Variants in DNAH10 observed in about 807,000 individuals in gnomAD.
The protein encoded by DNAH10 is dynein axonemal heavy chain 10.
In DNAH10, 348 loss-of-function variants were observed where a neutral mutation model predicts 506.6. That is an observed-to-expected ratio of 0.69 (90% CI 0.63 to 0.75). DNAH10 has a LOEUF of 0.75. Ranked by LOEUF, DNAH10 falls within the 30% of genes least tolerant of loss-of-function variation. DNAH10 has a pLI of 0.00. For missense variants in DNAH10, 5,179 were observed against 5,787.1 expected, an observed-to-expected ratio of 0.89 and a Z score of 3.41; for synonymous variants, 2,059 against 2,198.6, an observed-to-expected ratio of 0.94 and a Z score of 1.78.
chr12:123,926,575 A>G lies in DNAH10; in HGVS notation c.11922-62A>G, dbSNP rs1954952927. ...GGAGGAGGCAGCGCTGATCAGACAG[A>G]CCAGCCCCTGGTCTGGAGCTGTCCT... On this transcript the variant is annotated intron_variant, in intron 68 of 78. Transcript: ENST00000673944. The surrounding 1 kb of genome is among the most constrained non-coding windows in gnomAD (Gnocchi z 4.1). 6.4e-7 allele frequency: 1 copy of G among 1,557,872 alleles called. No individual in the cohort carries two copies. Among genetic ancestry groups the G allele is most frequent in the Non-Finnish European group, 8.7e-7 (1 of 1,146,900 alleles).
At chr12:123,898,913 G>A in intron 56 of DNAH10, 99 bp downstream of exon 56, 2 of 1,437,532 alleles carry the variant, frequency 1.4e-6, no homozygotes, top group Non-Finnish European at 1.8e-6. Context: ...GAGCAGGACA[G>A]GGCTCTGCCA....
chr12:123,869,736 C>A (rs1344970269), intron 43 of DNAH10, among the ~76,000 whole-genome samples: 3 of 152,216 alleles, frequency 2.0e-5, no homozygotes, highest in Non-Finnish European at 1.5e-5. Flanking sequence ...CTCGCTCCAT[C>A]TGAGTTTATC....
rs755643863 is a variant in DNAH10 at position 123,772,847 on chromosome 12, A to T, written c.410A>T (p.His137Leu). The change falls in exon 4 of 79, where the codon CAC (histidine) becomes CTC (leucine). Residue 137 changes from histidine to leucine, a missense_variant. Coordinates refer to ENST00000673944, the MANE Select transcript of DNAH10 (RefSeq NM_001372106.1). ...EKLPSKRTAK[H>L]IMEKMHLHML... ...CCCATGTTTCAGAGAACTGCGAAGC[A>T]CATCATGGAAAAGATGCATCTCCAC... 11 of 1,605,844 alleles carry T rather than the reference A, an allele frequency of 6.8e-6. No homozygotes were observed. The Admixed American group carries it at 1.9e-4, about 28-fold the overall frequency.
rs141305983 is a variant in DNAH10, at chr12:123,888,878, C to T, written c.8995+1565C>T. Among the ~76,000 whole-genome samples the T allele has an allele frequency of 3.7e-3, 558 of 152,334 alleles. 1 individual carries two copies. The highest frequency in any genetic ancestry group is 6.0e-3 in the Non-Finnish European group (409 of 68,030). On this transcript the variant is annotated intron_variant, in intron 52 of 78. Transcript: ENST00000673944. ...GGGGCCCTGCAAAGATCCGTGCTGA[C>T]TTCGTCTGGCCTAATGGCTTACAGG...
At position 123,833,321 on chromosome 12, in the gene DNAH10, C is replaced by G; in HGVS notation, c.4753C>G (p.Leu1585Val). ...LQTVHKWEKTLSLIGEVIEIW... is the reference protein window; with the variant it reads ...LQTVHKWEKTVSLIGEVIEIW... ...AACTGTTCACAAATGGGAAAAAACG[C>G]TTTCTCTAATAGGGGAAGTCATTGA... The change falls in exon 27 of 79, where the codon CTT (leucine) becomes GTT (valine). Residue 1585 changes from leucine (L) to valine (V), a missense_variant. Physicochemically the swap from Leu to Val is conservative, Grantham distance 32. Coordinates refer to ENST00000673944, the MANE Select transcript of DNAH10 (RefSeq NM_001372106.1). 1 of 1,612,804 alleles carries G rather than the reference C, an allele frequency of 6.2e-7. No individual in the cohort carries two copies. Among genetic ancestry groups the G allele is most frequent in the South Asian group, 1.1e-5 (1 of 90,638 alleles).
chr12:123,921,703 T>TG, intron 65 of DNAH10, among the ~76,000 whole-genome samples: 2 of 27,888 alleles, frequency 7.2e-5, no homozygotes, highest in South Asian at 2.4e-3. Flanking sequence ...TTTTTTTTTT[T>TG]TTTTTTTTTT....
chr12:123,930,315 C>G (rs906116915), intron 72 of DNAH10, 87 bp from the exon 73 acceptor site: 4 of 1,328,182 alleles, frequency 3.0e-6, no homozygotes, highest in Non-Finnish European at 4.0e-6. Context: ...AGTCTCTTGA[C>G]CCTGGGTGAG....
At chr12:123,908,178 T>C (rs111965535) in intron 57 of DNAH10, 15,399 of 248,928 alleles carry the variant, frequency 0.062, 1,439 homozygotes, top group African/African-American at 0.24. Context: ...TCCCTGTCTC[T>C]CTGTCTCCTC....
At chr12:123,893,735 GC>G (rs745470915) in intron 53 of DNAH10, among the ~76,000 whole-genome samples, 1 of 152,210 alleles carries the variant, frequency 6.6e-6, no homozygotes, top group Non-Finnish European at 1.5e-5. Context: ...CCTCATGCCA[GC>G]CTTTAGAGCA....
chr12:123,783,213 G>T lies in DNAH10; in HGVS notation c.948G>T (p.Trp316Cys), dbSNP rs1957729153. 6.2e-7 allele frequency: 1 copy of T among 1,614,084 alleles called. No homozygotes were observed. Among genetic ancestry groups the T allele is most frequent in the Admixed American group, 1.7e-5 (1 of 60,000 alleles). Residue 316 changes from tryptophan (W) to cysteine (C), a missense_variant, in exon 7 of 79, where the codon TGG becomes TGT. Trp to Cys is a radical substitution (Grantham distance 215, BLOSUM62 -2). Around this residue, in one of 3 missense-constraint regions of DNAH10, gnomAD observed 4,844 missense variants for 5,430.5 expected, o/e 0.89. Transcript: ENST00000673944. ...VDILEQCVIN[W>C]LNQISTAVEA... ...TCTTGGAGCAGTGTGTGATAAACTG[G>T]CTGAATCAGATATCCACAGCGGTTG...
At chr12:123,821,932 C>A (rs2136424371) in intron 24 of DNAH10, among the ~76,000 whole-genome samples, 1 of 151,454 alleles carries the variant, frequency 6.6e-6, no homozygotes, top group African/African-American at 2.4e-5. Context: ...AAGTTCCGGG[C>A]ACAGTGGCTC....
chr12:123,898,660 C>T lies in DNAH10; in HGVS notation c.9486C>T (p.Cys3162=), dbSNP rs1381189413. The T allele has an allele frequency of 3.8e-6, 6 of 1,579,074 alleles. No homozygotes were observed. The highest frequency in any genetic ancestry group is 5.2e-6 in the Non-Finnish European group (6 of 1,162,638). ...GGTGCCCTCTTTCCTCAGCTCAGTG[C>T]AAGCGTCTGGATGGGGGACTGGACA... ...DEKTQCNIAQ[C]KRLDGGLDKL... is the part of the protein sequence containing the mutation. The change falls in exon 56 of 79, where the codon TGC becomes TGT. Residue 3162 remains cysteine, a synonymous_variant. Transcript: ENST00000673944.
intron 56 of DNAH10, among the ~76,000 whole-genome samples, chr12:123,899,596 G>A (rs939696667): frequency 2.0e-5 from 3 of 152,166 alleles, no homozygotes; most frequent in East Asian, 1.9e-4. Context: ...GCCTCTCCCC[G>A]ACTCCCAGTG....
chr12:123,845,519 G>T, intron 30 of DNAH10, 81 bp from the exon 31 acceptor site: 6 of 1,542,822 alleles, frequency 3.9e-6, no homozygotes, highest in East Asian at 2.3e-5. Context: ...CCAGATCAAA[G>T]AAATAAATTC....
chr12:123,871,110 G>A (rs11057379), intron 44 of DNAH10, among the ~76,000 whole-genome samples: 68,347 of 152,074 alleles, frequency 0.45, 15,884 homozygotes, highest in Non-Finnish European at 0.5. Context: ...TGGCTTCACT[G>A]TCTCTTCGGA....
chr12:123,799,105 CAAA>C (rs138331705), intron 13 of DNAH10, 138 bp from the exon 14 acceptor site: 979 of 288,100 alleles, frequency 3.4e-3, no homozygotes, highest in Non-Finnish European at 3.7e-3. Flanking sequence ...ACTCCGTCTC[CAAA>C]AAAAAAAAAA....
At chr12:123,854,409 T>A (rs1350265524) in intron 36 of DNAH10, among the ~76,000 whole-genome samples, 1 of 152,146 alleles carries the variant, frequency 6.6e-6, no homozygotes, top group African/African-American at 2.4e-5. Flanking sequence ...CAGCAGTCTC[T>A]CCTCCTAGGG....
chr12:123,860,182 T>G (rs1951560801), intron 38 of DNAH10, among the ~76,000 whole-genome samples: 1 of 152,218 alleles, frequency 6.6e-6, no homozygotes, highest in Admixed American at 6.5e-5. Context: ...GGCAAAAATC[T>G]AAATCAAGCC....
At chr12:123,802,120 G>A (rs59955291) in intron 16 of DNAH10, among the ~76,000 whole-genome samples, 1 of 152,202 alleles carries the variant, frequency 6.6e-6, no homozygotes, top group African/African-American at 2.4e-5. Context: ...ATGTACCATA[G>A]TTTGTTCAGC....
Sources: gnomAD v4.1 joint callset for allele counts (sites outside exome capture counted in the v4.1 genomes callset) on GRCh38, gnomAD v4.1.1 for gene constraint, gnomAD v4.1.1 regional missense constraint, Gnocchi (gnomAD v3.1) non-coding constraint, MANE v1.5 for transcripts, NCBI Gene and HGNC (gene_info 2026-07-23, HGNC 2026-07-21) for gene names.